Variants in PDZD2 observed in about 807,000 individuals in gnomAD.
The protein encoded by PDZD2 is PDZ domain-containing protein 2.
PDZD2 carries 90 observed loss-of-function variants against 220.7 expected under a neutral mutation model. The ratio of observed to expected loss-of-function variants is 0.41; its 90% CI spans 0.34 to 0.49. PDZD2 has a LOEUF of 0.49. Among genes scored for constraint, PDZD2 ranks in the 20% least tolerant of loss-of-function variants. The pLI, the probability that PDZD2 is intolerant of heterozygous loss-of-function variation, is 0.28. For synonymous variants in PDZD2, 1,375 were observed against 1,450.5 expected (o/e 0.95, Z 1.18); for missense variants, 3,174 against 3,608.5 (o/e 0.88, Z 3.08).
chr5:31,908,607 A>G, intron 2 of PDZD2: 2 of 993,112 alleles, frequency 2.0e-6, no homozygotes, highest in South Asian at 2.6e-5. Flanking sequence ...GCTTCACCAG[A>G]GAAGCCTACA....
chr5:31,956,122 G>A (rs1248965226), intron 2 of PDZD2, among the ~76,000 whole-genome samples: 2 of 151,958 alleles, frequency 1.3e-5, no homozygotes, highest in Non-Finnish European at 2.9e-5. Flanking sequence ...CTAGATATTT[G>A]TCTGTTAGGT....
intron 2 of PDZD2, among the ~76,000 whole-genome samples, chr5:31,935,298 A>C (rs1325751005): frequency 2.0e-5 from 3 of 152,086 alleles, no homozygotes; most frequent in Non-Finnish European, 2.9e-5. Context: ...ATCATGAAAG[A>C]CCCCTTTGGC....
intron 1 of PDZD2, among the ~76,000 whole-genome samples, chr5:31,687,795 C>T (rs765011455): frequency 3.2e-4 from 49 of 152,300 alleles, no homozygotes; most frequent in African/African-American, 7.5e-4. Flanking sequence ...AGAGAGAGCG[C>T]GCTGATGTCT....
intron 2 of PDZD2, among the ~76,000 whole-genome samples, chr5:31,862,106 T>G (rs1021724644): frequency 7.3e-6 from 1 of 136,588 alleles, no homozygotes; most frequent in South Asian, 2.5e-4. Flanking sequence ...TTTGGGTTTT[T>G]TTTTTTTTTT....
intron 5 of PDZD2, among the ~76,000 whole-genome samples, chr5:32,002,871 AC>A (rs1752331163): frequency 5.5e-5 from 5 of 90,182 alleles, no homozygotes; most frequent in African/African-American, 2.2e-4. Flanking sequence ...CACCCCACAT[AC>A]CACACACACA....
At chr5:31,735,532 C>T (rs1749807031) in intron 1 of PDZD2, among the ~76,000 whole-genome samples, 1 of 152,164 alleles carries the variant, frequency 6.6e-6, no homozygotes, top group Admixed American at 6.5e-5. Flanking sequence ...GGTGCAGTGG[C>T]TCATGCCTGT....
intron 1 of PDZD2, among the ~76,000 whole-genome samples, chr5:31,726,686 C>T (rs1199868040): frequency 1.3e-5 from 2 of 152,098 alleles, no homozygotes; most frequent in African/African-American, 4.8e-5. Flanking sequence ...TGGGCAGGGC[C>T]GGCCTGGGCT....
intron 2 of PDZD2, among the ~76,000 whole-genome samples, chr5:31,937,511 G>T (rs1745860786): frequency 6.6e-6 from 1 of 152,188 alleles, no homozygotes; most frequent in African/African-American, 2.4e-5. Context: ...TCATGCTGTG[G>T]TCATCCTCAT....
intron 1 of PDZD2, among the ~76,000 whole-genome samples, chr5:31,721,120 G>A (rs899204244): frequency 2.0e-5 from 3 of 152,146 alleles, no homozygotes; most frequent in Non-Finnish European, 2.9e-5. Context: ...AGACTGGCGT[G>A]GTCAGGGAAG....
chr5:31,766,642 T>C (rs1035098158), intron 1 of PDZD2, among the ~76,000 whole-genome samples: 4 of 152,196 alleles, frequency 2.6e-5, no homozygotes, highest in Non-Finnish European at 5.9e-5. Context: ...TCTGCCCGCC[T>C]CAGCCTCCCA....
chr5:31,775,446 C>T (rs1449642175), intron 1 of PDZD2, among the ~76,000 whole-genome samples: 1 of 152,112 alleles, frequency 6.6e-6, no homozygotes, highest in Non-Finnish European at 1.5e-5. Context: ...TTTGCAGCTC[C>T]TTCTCCTTGG....
intron 5 of PDZD2, among the ~76,000 whole-genome samples, chr5:32,002,629 A>G (rs1752240993): frequency 1.2e-5 from 1 of 86,786 alleles, no homozygotes; most frequent in African/African-American, 4.6e-5. Context: ...ACACACCAAC[A>G]CACCACCAAC....
At chr5:31,810,089 T>TG (rs1755000628) in intron 2 of PDZD2, among the ~76,000 whole-genome samples, 1 of 152,220 alleles carries the variant, frequency 6.6e-6, no homozygotes, top group African/African-American at 2.4e-5. Context: ...GGTTATAGTG[T>TG]TACTGGTCCA....
chr5:31,743,476 G>A (rs950306844), intron 1 of PDZD2, among the ~76,000 whole-genome samples: 1 of 152,022 alleles, frequency 6.6e-6, no homozygotes, highest in Non-Finnish European at 1.5e-5. Context: ...ACTGCTTGTC[G>A]TTGCTTGTAT....
intron 2 of PDZD2, among the ~76,000 whole-genome samples, chr5:31,962,786 G>C (rs1748375438): frequency 6.6e-6 from 1 of 152,102 alleles, no homozygotes; most frequent in African/African-American, 2.4e-5. Flanking sequence ...CTCTTATCAA[G>C]GTTTCCTCCC....
At chr5:31,861,606 G>T (rs916389815) in intron 2 of PDZD2, among the ~76,000 whole-genome samples, 3 of 152,196 alleles carry the variant, frequency 2.0e-5, no homozygotes, top group African/African-American at 7.2e-5. Context: ...AACATCCTGG[G>T]CTGTCACTGA....
At chr5:31,739,820 T>C (rs1003755459) in intron 1 of PDZD2, among the ~76,000 whole-genome samples, 6 of 152,208 alleles carry the variant, frequency 3.9e-5, no homozygotes, top group Admixed American at 2.0e-4. Context: ...TGCCTAATGA[T>C]TTTCCATTGA....
chr5:31,856,231 G>T (rs964830382), intron 2 of PDZD2, among the ~76,000 whole-genome samples: 3 of 152,186 alleles, frequency 2.0e-5, no homozygotes, highest in African/African-American at 7.2e-5. Flanking sequence ...GGCCTCCGTG[G>T]CTCCTTTTGC....
chr5:31,897,341 G>T (rs1581022761), intron 2 of PDZD2, among the ~76,000 whole-genome samples: 1 of 152,258 alleles, frequency 6.6e-6, no homozygotes, highest in East Asian at 1.9e-4. Flanking sequence ...TCTGTGGACA[G>T]CCTGGACTGG....
Sources: allele counts gnomAD v4.1 joint callset (sites outside exome capture counted in the v4.1 genomes callset), GRCh38; gene constraint gnomAD v4.1.1; transcripts MANE v1.5; gene names NCBI Gene and HGNC (gene_info 2026-07-23, HGNC 2026-07-21).